The following METTL15 variants were observed in gnomAD, a reference collection of about 807,000 sequenced individuals.
The protein encoded by METTL15 is 12S rRNA N(4)-cytidine methyltransferase METTL15.
A neutral mutation model predicts 38.3 loss-of-function variants in METTL15; 34 were observed. That is an observed-to-expected ratio of 0.89 (90% confidence interval 0.68 to 1.18). The LOEUF is 1.18. Among genes scored for constraint, METTL15 ranks in the 50% most tolerant of loss-of-function variants. METTL15 has a pLI of 0.00. For missense variants in METTL15, 438 were observed against 498.4 expected, an observed-to-expected ratio of 0.88 and a Z score of 1.15; for synonymous variants, 162 against 170.9, an observed-to-expected ratio of 0.95 and a Z score of 0.41.
intron 5 of METTL15, among the ~76,000 whole-genome samples, chr11:28,377,064 C>A (rs1850323361): frequency 7.5e-6 from 1 of 133,454 alleles, no homozygotes; most frequent in East Asian, 2.0e-4. Context: ...TGAGGGTAAC[C>A]CGACCTTTCT....
intron 5 of METTL15, among the ~76,000 whole-genome samples, chr11:28,376,780 CTT>C: frequency 6.6e-6 from 1 of 150,598 alleles, no homozygotes; most frequent in African/African-American, 2.4e-5. Context: ...TTTGGCATGA[CTT>C]TGCAGCGGCT....
chr11:28,338,370 G>A (rs1849920418), downstream of METTL15, among the ~76,000 whole-genome samples: 1 of 151,878 alleles, frequency 6.6e-6, no homozygotes, highest in African/African-American at 2.4e-5. Flanking sequence ...GTTAATGTTG[G>A]TTTTGTTACC....
At chr11:28,155,961 A>G (rs910354287) in intron 3 of METTL15, among the ~76,000 whole-genome samples, 4 of 152,194 alleles carry the variant, frequency 2.6e-5, no homozygotes, top group African/African-American at 9.6e-5. Flanking sequence ...ATAGTAATTA[A>G]TAGCGCGATC....
chr11:28,145,718 T>C (rs1849859082), intron 3 of METTL15: 1 of 152,108 alleles, frequency 6.6e-6, no homozygotes, highest in African/African-American at 2.4e-5. Context: ...ATTATTACTC[T>C]GTGATTTAAT....
At chr11:28,394,863 C>G (rs2133397491) in intron 5 of METTL15, among the ~76,000 whole-genome samples, 1 of 152,096 alleles carries the variant, frequency 6.6e-6, no homozygotes, top group African/African-American at 2.4e-5. Context: ...TATTTATACA[C>G]CATGATGTCT....
chr11:28,448,732 G>C (rs2133445662), intron 6 of METTL15, among the ~76,000 whole-genome samples: 1 of 152,050 alleles, frequency 6.6e-6, no homozygotes, highest in African/African-American at 2.4e-5. Context: ...GTTCCTGTGG[G>C]CCAAAATGAT....
downstream of METTL15, among the ~76,000 whole-genome samples, chr11:28,335,734 C>G (rs1451294945): frequency 6.6e-6 from 1 of 152,138 alleles, no homozygotes; most frequent in Non-Finnish European, 1.5e-5. Flanking sequence ...CTCTCTTGCT[C>G]CCTCTCTTGC....
At chr11:28,292,023 AT>A (rs530266776) in intron 5 of METTL15, among the ~76,000 whole-genome samples, 26 of 151,006 alleles carry the variant, frequency 1.7e-4, no homozygotes, top group South Asian at 4.2e-4. Flanking sequence ...TAATCAAAAG[AT>A]TTTTTTTTAG....
chr11:28,163,291 T>C, intron 3 of METTL15: 2 of 397,468 alleles, frequency 5.0e-6, no homozygotes, highest in African/African-American at 2.1e-5. Flanking sequence ...GAAAAAAAAG[T>C]ATGGCATAAA....
intron 5 of METTL15, among the ~76,000 whole-genome samples, chr11:28,387,178 TAGC>T (rs1334375605): frequency 6.6e-6 from 1 of 151,800 alleles, no homozygotes; most frequent in African/African-American, 2.4e-5. Context: ...AACCCAAAGT[TAGC>T]AGAAGAAATG....
chr11:28,146,641 A>G (rs1849896548), intron 3 of METTL15, among the ~76,000 whole-genome samples: 1 of 151,916 alleles, frequency 6.6e-6, no homozygotes, highest in African/African-American at 2.4e-5. Context: ...AAAAATATTC[A>G]ATACAATATC....
intron 4 of METTL15, among the ~76,000 whole-genome samples, chr11:28,358,529 A>G (rs1161468789): frequency 6.6e-6 from 1 of 152,206 alleles, no homozygotes; most frequent in Non-Finnish European, 1.5e-5. Flanking sequence ...TAGACAGTGG[A>G]ACACTTCTAC....
intron 3 of METTL15, among the ~76,000 whole-genome samples, chr11:28,129,770 A>G (rs1182867388): frequency 1.3e-5 from 2 of 152,230 alleles, no homozygotes; most frequent in East Asian, 1.9e-4. Context: ...TTCAATAAAC[A>G]TGTATTAATT....
intron 4 of METTL15, among the ~76,000 whole-genome samples, chr11:28,266,975 C>T (rs2133949781): frequency 1.3e-5 from 2 of 152,070 alleles, no homozygotes; most frequent in African/African-American, 4.8e-5. Flanking sequence ...GCCTGGCCAA[C>T]ATGGTGAAAC....
chr11:28,159,447 G>GAA (rs374984461), intron 3 of METTL15, among the ~76,000 whole-genome samples: 8 of 139,414 alleles, frequency 5.7e-5, no homozygotes, highest in Non-Finnish European at 9.4e-5. Flanking sequence ...ACTCCACCAG[G>GAA]AAAAAAAAAA....
At chr11:28,406,591 C>G (rs1040010353) in intron 5 of METTL15, among the ~76,000 whole-genome samples, 1 of 152,112 alleles carries the variant, frequency 6.6e-6, no homozygotes, top group Non-Finnish European at 1.5e-5. Flanking sequence ...TGGGCTGAGA[C>G]AATGGGATCT....
In METTL15 at chr11:28,503,183, C is replaced by T. The variant is rs114165023; in HGVS notation, c.*425-23295C>T. 3.7e-3 allele frequency among the ~76,000 whole-genome samples: 556 copies of T among 152,198 alleles called. 3 individuals are homozygous for T. Among genetic ancestry groups the T allele is most frequent in the African/African-American group, 0.013 (527 of 41,534 alleles). ...AGTACAAACTGCCTTTAAAGATTCC[C>T]GTGGAAGTGACACACCTCACTTGTG... On this transcript the variant is annotated intron_variant and NMD_transcript_variant, in intron 6 of 7. Transcript: ENST00000532947.
chr11:28,142,162 T>G (rs1849721209), intron 3 of METTL15, among the ~76,000 whole-genome samples: 1 of 152,188 alleles, frequency 6.6e-6, no homozygotes, highest in African/African-American at 2.4e-5. Context: ...TGACTTTGTT[T>G]ATGATTCTAG....
intron 3 of METTL15, among the ~76,000 whole-genome samples, chr11:28,141,906 G>T (rs575742105): frequency 2.0e-5 from 3 of 152,186 alleles, no homozygotes; most frequent in African/African-American, 7.2e-5. Flanking sequence ...TTTAAGCAGG[G>T]ACTATTATCA....
Sources: gnomAD v4.1 joint callset for allele counts (sites outside exome capture counted in the v4.1 genomes callset) on GRCh38, gnomAD v4.1.1 for gene constraint, MANE v1.5 for transcripts, NCBI Gene and HGNC (gene_info 2026-07-23, HGNC 2026-07-21) for gene names.